POU3F3: variants seen among roughly 807,000 people sequenced by gnomAD.
POU3F3 encodes POU class 3 homeobox 3.
In POU3F3, 1 loss-of-function variant was observed where a neutral mutation model predicts 8.6. That is an observed-to-expected ratio of 0.12 (90% CI 0.04 to 0.55). The LOEUF (loss-of-function observed/expected upper bound fraction) is 0.55. Ranked by LOEUF, POU3F3 falls within the 20% of genes least tolerant of loss-of-function variation. The pLI, the probability that POU3F3 is intolerant of heterozygous loss-of-function variation, is 0.91. For synonymous variants in POU3F3, 418 were observed against 327.4 expected (o/e 1.28, Z -2.99); for missense variants, 577 against 690.7 (o/e 0.84, Z 1.84).
the POU3F3 span, among the ~76,000 whole-genome samples, chr2:104,890,284 T>C: frequency 6.6e-6 from 1 of 152,098 alleles, no homozygotes; most frequent in Admixed American, 6.5e-5. Context: ...CAGGACTCCA[T>C]CTCACTTTGC....
the POU3F3 span, among the ~76,000 whole-genome samples, chr2:104,908,674 C>T: frequency 6.6e-6 from 1 of 152,112 alleles, no homozygotes; most frequent in Admixed American, 6.5e-5. Flanking sequence ...TCCCTGTCTC[C>T]CAGCTGAGTA....
Position 104,856,937 on chromosome 2 carries a change from A to G in POU3F3, c.1427A>G (p.Asp476Gly), listed in dbSNP as rs1676576419. ...PPGIQQQTPD[D>G]VYSQVGTVSA... is the part of the protein sequence containing the mutation. ...GGGATCCAACAGCAGACGCCCGACGACGTCTACTCGCAGGTGGGCACCGTG... is the reference window on the plus strand; with the variant it reads ...GGGATCCAACAGCAGACGCCCGACGGCGTCTACTCGCAGGTGGGCACCGTG... The change falls in exon 1 of 1, where the codon GAC becomes GGC. Residue 476 changes from aspartate to glycine, a missense_variant. Transcript: ENST00000361360. 1 of 1,613,326 alleles carries G rather than the reference A, an allele frequency of 6.2e-7. No homozygotes were observed. The highest frequency in any genetic ancestry group is 1.1e-5 in the South Asian group (1 of 91,072).
In POU3F3 at chr2:104,856,424, T is replaced by G; in HGVS notation, c.914T>G (p.Leu305Arg). The change falls in exon 1 of 1, where the codon CTC becomes CGC. Residue 305 changes from leucine (L) to arginine (R), a missense_variant. Leu to Arg is a moderately radical substitution (Grantham distance 102, BLOSUM62 -2). Coordinates refer to ENST00000361360, the MANE Select transcript of POU3F3 (RefSeq NM_006236.3). ...GGGGGGAGPG[L>R]NSHDPHSDED... ...GGCGGCGGCGGCGCGGGGCCTGGAC[T>G]CAACAGCCACGACCCGCACTCGGAC... is the stretch of plus-strand genomic sequence containing the variant. 6.2e-7 allele frequency: 1 copy of G among 1,606,784 alleles called. No homozygotes were observed. Among genetic ancestry groups the G allele is most frequent in the Non-Finnish European group, 8.5e-7 (1 of 1,177,614 alleles).
the POU3F3 span, among the ~76,000 whole-genome samples, chr2:104,882,498 C>T: frequency 2.6e-5 from 4 of 152,010 alleles, no homozygotes; most frequent in Admixed American, 6.5e-5. Context: ...GTGATCCACC[C>T]GCCTCGGCTT....
chr2:104,858,632 T>C (rs1676620312), downstream of POU3F3: 2 of 152,190 alleles, frequency 1.3e-5, no homozygotes, highest in African/African-American at 2.4e-5. Flanking sequence ...TTAAGAAATA[T>C]TTTTTTACTA....
the POU3F3 span, among the ~76,000 whole-genome samples, chr2:104,918,957 C>T: frequency 8.6e-5 from 13 of 152,014 alleles, no homozygotes; most frequent in South Asian, 2.1e-4. Context: ...CCCCAACCTC[C>T]GCTTCCCAGG....
At chr2:104,860,752 C>CTTTT (rs1178339577), downstream of POU3F3, among the ~76,000 whole-genome samples, 2 of 50,242 alleles carry the variant, frequency 4.0e-5, no homozygotes, top group African/African-American at 9.1e-5. Context: ...GTTGCTCTGC[C>CTTTT]TTTTTTTTTT....
Position 104,856,098 on chromosome 2 carries a change from AGCCGCCGCC to A in POU3F3, c.603_611del (p.Ala202_Ala204del), listed in dbSNP as rs771609174. ...GGGCGGCCGCCGCTGCCGCAGCCGC[AGCCGCCGCC>A]GCCGCCGCCGCCGCGCACCTCCCGT... On this transcript the variant is annotated inframe_deletion, in exon 1 of 1. Transcript: ENST00000361360. 51 of 1,041,452 alleles carry A rather than the reference AGCCGCCGCC, an allele frequency of 4.9e-5. 1 individual carries two copies. The highest frequency in any genetic ancestry group is 4.7e-4 in the East Asian group (6 of 12,648). The allele number at this position is 1,041,452 out of a possible 1,614,324, so 64.5% of individuals were successfully genotyped here.
chr2:104,916,236 T>C, the POU3F3 span, among the ~76,000 whole-genome samples: 7 of 152,214 alleles, frequency 4.6e-5, no homozygotes, highest in Non-Finnish European at 8.8e-5. Flanking sequence ...AGATAATCCA[T>C]TAATTTATAC....
the POU3F3 span, among the ~76,000 whole-genome samples, chr2:104,891,924 T>G: frequency 6.6e-6 from 1 of 152,160 alleles, no homozygotes; most frequent in Admixed American, 6.5e-5. Flanking sequence ...AATACATTAT[T>G]TAGACACAGC....
downstream of POU3F3, among the ~76,000 whole-genome samples, chr2:104,859,136 G>GT (rs34951550): frequency 0.73 from 110,200 of 151,954 alleles, 41,160 homozygotes; most frequent in African/African-American, 0.9. Flanking sequence ...AGCTTTTTGG[G>GT]TTTTTTCCCC....
the POU3F3 span, among the ~76,000 whole-genome samples, chr2:104,892,420 A>G: frequency 1.3e-5 from 2 of 152,154 alleles, no homozygotes; most frequent in Non-Finnish European, 2.9e-5. Flanking sequence ...AGTCATGAAC[A>G]TGAGGCCATG....
the POU3F3 span, among the ~76,000 whole-genome samples, chr2:104,876,734 A>C: frequency 6.6e-6 from 1 of 152,200 alleles, no homozygotes; most frequent in Non-Finnish European, 1.5e-5. Context: ...GGCGCATCGA[A>C]CCACACTGTT....
At chr2:104,894,908 C>T in the POU3F3 span, among the ~76,000 whole-genome samples, 1 of 152,122 alleles carries the variant, frequency 6.6e-6, no homozygotes, top group African/African-American at 2.4e-5. Flanking sequence ...TATTTCTGGG[C>T]CTGGTGTTCT....
chr2:104,903,779 C>T, the POU3F3 span, among the ~76,000 whole-genome samples: 2 of 152,152 alleles, frequency 1.3e-5, no homozygotes, highest in African/African-American at 4.8e-5. Flanking sequence ...AAATGTTTGT[C>T]TGTGGGGGTT....
At chr2:104,876,994 C>T in the POU3F3 span, among the ~76,000 whole-genome samples, 1 of 152,134 alleles carries the variant, frequency 6.6e-6, no homozygotes, top group Non-Finnish European at 1.5e-5. Flanking sequence ...GAAGGGTGAA[C>T]TGCACATCAG....
chr2:104,894,503 C>T, the POU3F3 span, among the ~76,000 whole-genome samples: 4,079 of 152,266 alleles, frequency 0.027, 182 homozygotes, highest in African/African-American at 0.094. Context: ...CCCAGGCTTC[C>T]TCTTCCTCCC....
At chr2:104,917,229 C>T in the POU3F3 span, among the ~76,000 whole-genome samples, 10 of 152,190 alleles carry the variant, frequency 6.6e-5, no homozygotes, top group African/African-American at 1.9e-4. Context: ...AGCCAGTGTG[C>T]AATCTAAATC....
downstream of POU3F3, among the ~76,000 whole-genome samples, chr2:104,858,799 TCC>T (rs1308052750): frequency 6.6e-6 from 1 of 152,226 alleles, no homozygotes; most frequent in Non-Finnish European, 1.5e-5. Flanking sequence ...TATTTTTCTC[TCC>T]CTTAATTTTA....
Sources: gnomAD v4.1 joint callset for allele counts (sites outside exome capture counted in the v4.1 genomes callset) on GRCh38, gnomAD v4.1.1 for gene constraint, MANE v1.5 for transcripts, NCBI Gene and HGNC (gene_info 2026-07-23, HGNC 2026-07-21) for gene names.